EPHA6: variants seen among roughly 807,000 people sequenced by gnomAD.
EPHA6 encodes the protein EPH receptor A6.
EPHA6 carries 50 observed loss-of-function variants against 112.0 expected under a neutral mutation model. The observed-to-expected ratio is 0.45, with a 90% confidence interval of 0.36 to 0.56. The LOEUF (loss-of-function observed/expected upper bound fraction) is 0.56, where lower values mean the gene tolerates loss of function less well. Among genes scored for constraint, EPHA6 ranks in the 20% least tolerant of loss-of-function variants. The probability of loss-of-function intolerance (pLI) is 0.00; values close to 1 mark genes in which losing one functional copy is unlikely to be tolerated. For synonymous variants in EPHA6, 529 were observed against 490.7 expected (o/e 1.08, Z -1.03); for missense variants, 1,280 against 1,417.4 (o/e 0.90, Z 1.56).
chr3:97,271,910 T>A (rs895816074), intron 5 of EPHA6, among the ~76,000 whole-genome samples: 10 of 152,194 alleles, frequency 6.6e-5, no homozygotes, highest in African/African-American at 2.4e-4. Context: ...CTTCCATGGT[T>A]ATCATTTGTG....
In EPHA6 at chr3:97,160,095, T is replaced by C. The variant is rs374455321; in HGVS notation, c.1115-66169T>C. Among the ~76,000 whole-genome samples, 13 of 152,224 alleles carry C rather than the reference T, an allele frequency of 8.5e-5. No homozygotes were observed. The East Asian group carries it at 1.5e-3, about 18-fold the overall frequency. ...ATAGAAGTCCATGTTGCTGAATCCATGTATAACCTCCATCCTGCCATCGTG... is the reference window on the plus strand; with the variant it reads ...ATAGAAGTCCATGTTGCTGAATCCACGTATAACCTCCATCCTGCCATCGTG... On this transcript the variant is annotated intron_variant, in intron 3 of 17. Transcript: ENST00000389672.
At chr3:97,532,615 C>T in intron 11 of EPHA6, 72 bp downstream of exon 11, 6 of 1,260,110 alleles carry the variant, frequency 4.8e-6, no homozygotes, top group Non-Finnish European at 5.5e-6. Context: ...AAGGAAAAAT[C>T]TTCATAATAA....
intron 3 of EPHA6, among the ~76,000 whole-genome samples, chr3:97,074,760 A>G (rs2046464035): frequency 6.6e-6 from 1 of 152,088 alleles, no homozygotes; most frequent in Non-Finnish European, 1.5e-5. Context: ...ACAATAAAGC[A>G]GAGTTGCAAA....
intron 13 of EPHA6, among the ~76,000 whole-genome samples, chr3:97,636,027 C>G (rs964999583): frequency 1.3e-5 from 2 of 151,864 alleles, no homozygotes; most frequent in African/African-American, 4.8e-5. Flanking sequence ...CAAGGACTAA[C>G]TATTATTAAA....
chr3:97,747,712 T>C, intron 17 of EPHA6, 140 bp downstream of exon 17: 10 of 634,544 alleles, frequency 1.6e-5, no homozygotes, highest in Non-Finnish European at 1.9e-5. Flanking sequence ...ATCATTCTAG[T>C]GGAAGTTGGA....
intron 6 of EPHA6, among the ~76,000 whole-genome samples, chr3:97,418,455 AT>A (rs2088317982): frequency 6.6e-6 from 1 of 152,166 alleles, no homozygotes; most frequent in African/African-American, 2.4e-5. Flanking sequence ...CATTTTAAAA[AT>A]TAGGCATATA....
rs370764823 is a variant in EPHA6, at chr3:97,671,101, G to A, written c.2784+33019G>A. Among the ~76,000 whole-genome samples, 27 of 152,180 alleles carry A rather than the reference G, an allele frequency of 1.8e-4. No homozygotes were observed. In the South Asian group the frequency reaches 3.1e-3, roughly 18 times the overall value. ...ATTTTAGTGTATCTCCTAGAGTCTCGGTTATCCCTTCTGTAAAAATGTAAC... is the reference window on the plus strand; with the variant it reads ...ATTTTAGTGTATCTCCTAGAGTCTCAGTTATCCCTTCTGTAAAAATGTAAC... On this transcript the variant is annotated intron_variant, in intron 14 of 17. Coordinates refer to ENST00000389672, the MANE Select transcript of EPHA6 (RefSeq NM_001080448.3).
At chr3:97,512,375 C>G (rs1339241262) in intron 10 of EPHA6, among the ~76,000 whole-genome samples, 2 of 152,082 alleles carry the variant, frequency 1.3e-5, no homozygotes, top group Admixed American at 6.6e-5. Context: ...CTGTTAAGGA[C>G]TAGCATAGTA....
At chr3:97,084,329 T>C (rs2046826109) in intron 3 of EPHA6, among the ~76,000 whole-genome samples, 1 of 151,048 alleles carries the variant, frequency 6.6e-6, no homozygotes, top group Non-Finnish European at 1.5e-5. Flanking sequence ...GTATAGCCCT[T>C]ATAACACACA....
At chr3:96,925,862 TC>T (rs1315311395) in intron 2 of EPHA6, among the ~76,000 whole-genome samples, 1 of 152,136 alleles carries the variant, frequency 6.6e-6, no homozygotes, top group Non-Finnish European at 1.5e-5. Context: ...TGCCTTGGCC[TC>T]CCAAAGTGCT....
intron 5 of EPHA6, among the ~76,000 whole-genome samples, chr3:97,329,830 C>A (rs1229507289): frequency 1.3e-5 from 2 of 151,862 alleles, no homozygotes; most frequent in Admixed American, 1.3e-4. Context: ...AATTAGATCC[C>A]ATTTGTCAAT....
chr3:96,878,255 C>T (rs1201564034), intron 2 of EPHA6, among the ~76,000 whole-genome samples: 1 of 151,532 alleles, frequency 6.6e-6, no homozygotes, highest in Non-Finnish European at 1.5e-5. Flanking sequence ...CTAGTGGGAA[C>T]AGAATTGGCA....
At chr3:96,863,261 C>T (rs1330020764) in intron 1 of EPHA6, among the ~76,000 whole-genome samples, 1 of 151,294 alleles carries the variant, frequency 6.6e-6, no homozygotes, top group Non-Finnish European at 1.5e-5. Flanking sequence ...TTTTTTTCTT[C>T]CTACTGAGTT....
At chr3:97,702,684 C>T (rs549758770) in intron 14 of EPHA6, among the ~76,000 whole-genome samples, 10 of 152,210 alleles carry the variant, frequency 6.6e-5, no homozygotes, top group South Asian at 2.1e-4. Context: ...ATCATACCAG[C>T]GTAACCACTG....
chr3:97,309,863 A>G (rs764044318), intron 5 of EPHA6, among the ~76,000 whole-genome samples: 1 of 151,712 alleles, frequency 6.6e-6, no homozygotes, highest in Non-Finnish European at 1.5e-5. Context: ...CAATAAAACA[A>G]AATTAGAAGA....
At chr3:97,454,669 C>A (rs184582779) in intron 7 of EPHA6, among the ~76,000 whole-genome samples, 1 of 151,658 alleles carries the variant, frequency 6.6e-6, no homozygotes, top group Non-Finnish European at 1.5e-5. Flanking sequence ...GGTAAAATGA[C>A]GATTTTGTTG....
chr3:97,258,634 T>C (rs968805574), intron 5 of EPHA6, among the ~76,000 whole-genome samples: 8 of 152,160 alleles, frequency 5.3e-5, no homozygotes, highest in African/African-American at 1.9e-4. Flanking sequence ...ATTATTTTTT[T>C]CCTGTTGAAA....
chr3:96,937,059 A>C (rs1450300511), intron 2 of EPHA6, among the ~76,000 whole-genome samples: 1 of 152,124 alleles, frequency 6.6e-6, no homozygotes, highest in Non-Finnish European at 1.5e-5. Context: ...GAATACTGCC[A>C]CAATAAACAT....
chr3:97,350,319 A>G (rs561659502), intron 5 of EPHA6, among the ~76,000 whole-genome samples: 3 of 152,142 alleles, frequency 2.0e-5, no homozygotes, highest in Admixed American at 2.0e-4. Context: ...AAAGGTTGTT[A>G]TTGTTTACAG....
Sources: gnomAD v4.1 joint callset for allele counts (sites outside exome capture counted in the v4.1 genomes callset) on GRCh38, gnomAD v4.1.1 for gene constraint, MANE v1.5 for transcripts, NCBI Gene and HGNC (gene_info 2026-07-23, HGNC 2026-07-21) for gene names.